Variants in RYR2 observed in about 807,000 individuals in gnomAD.
RYR2 encodes cardiac muscle ryanodine receptor-calcium release channel.
In RYR2, 227 loss-of-function variants were observed where a neutral mutation model predicts 601.1. That is an observed-to-expected ratio of 0.38 (90% confidence interval 0.34 to 0.42). The LOEUF (loss-of-function observed/expected upper bound fraction) is 0.42. Among genes scored for constraint, RYR2 ranks in the 10% least tolerant of loss-of-function variants. The probability of loss-of-function intolerance (pLI) is 1.00; values close to 1 mark genes in which losing one functional copy is unlikely to be tolerated. For missense variants in RYR2, 4,646 were observed against 6,156.5 expected (o/e 0.75, Z 8.21); for synonymous variants, 2,223 against 2,175.1 (o/e 1.02, Z -0.61).
At chr1:237,152,463 C>G (rs1376790387) in intron 1 of RYR2, among the ~76,000 whole-genome samples, 1 of 152,172 alleles carries the variant, frequency 6.6e-6, no homozygotes, top group Non-Finnish European at 1.5e-5. Flanking sequence ...AGTTTACATT[C>G]CCACCAACAG....
intron 1 of RYR2, among the ~76,000 whole-genome samples, chr1:237,148,130 G>A (rs1196882514): frequency 3.3e-5 from 5 of 152,126 alleles, no homozygotes; most frequent in African/African-American, 1.2e-4. Context: ...GATGGACTTC[G>A]GCTGAAGTGT....
intron 71 of RYR2, among the ~76,000 whole-genome samples, chr1:237,713,275 A>G (rs1278062877): frequency 1.3e-5 from 2 of 152,186 alleles, no homozygotes; most frequent in African/African-American, 2.4e-5. Context: ...ACTGATTATA[A>G]CACAGTTTGC....
At chr1:237,740,209 G>C (rs1260937698) in intron 79 of RYR2, among the ~76,000 whole-genome samples, 2 of 152,130 alleles carry the variant, frequency 1.3e-5, no homozygotes, top group African/African-American at 4.8e-5. Context: ...TTTCTCTACA[G>C]TATATTCAAA....
At chr1:237,799,248 C>A (rs1659658787) in intron 97 of RYR2, among the ~76,000 whole-genome samples, 1 of 152,104 alleles carries the variant, frequency 6.6e-6, no homozygotes, top group South Asian at 2.1e-4. Flanking sequence ...CACCGATGGG[C>A]AATCCTTAGG....
intron 97 of RYR2, among the ~76,000 whole-genome samples, chr1:237,800,244 T>C (rs1659802674): frequency 6.6e-6 from 1 of 152,210 alleles, no homozygotes; most frequent in African/African-American, 2.4e-5. Context: ...ATTGCTTTAA[T>C]GTAAAATAAT....
At chr1:237,798,457 T>C (rs970106936) in intron 97 of RYR2, among the ~76,000 whole-genome samples, 2 of 152,188 alleles carry the variant, frequency 1.3e-5, no homozygotes, top group Admixed American at 1.3e-4. Context: ...AAATGATCCT[T>C]AAATCTAAGT....
chr1:237,408,516 C>T (rs1364456703), intron 10 of RYR2, among the ~76,000 whole-genome samples: 1 of 151,562 alleles, frequency 6.6e-6, no homozygotes, highest in Admixed American at 6.6e-5. Flanking sequence ...TCTAGGCTCT[C>T]TATTCTGTTC....
At chr1:237,826,476 T>C (rs1353486866) in intron 101 of RYR2, among the ~76,000 whole-genome samples, 1 of 151,524 alleles carries the variant, frequency 6.6e-6, no homozygotes, top group East Asian at 1.9e-4. Flanking sequence ...GGTAACACAT[T>C]GGGGGGCATC....
intron 25 of RYR2, 84 bp downstream of exon 25, chr1:237,530,594 C>T (rs1668047867): frequency 9.7e-7 from 1 of 1,030,552 alleles, no homozygotes; most frequent in African/African-American, 1.6e-5. Flanking sequence ...ACACAGATGC[C>T]TTGCTTTTAC....
intron 1 of RYR2, among the ~76,000 whole-genome samples, chr1:237,221,675 A>G (rs1683816281): frequency 6.6e-6 from 1 of 152,190 alleles, no homozygotes; most frequent in African/African-American, 2.4e-5. Flanking sequence ...TCAAGTTAGT[A>G]GCTAGGTTCA....
At chr1:237,563,658 A>G (rs1671687626) in intron 27 of RYR2, among the ~76,000 whole-genome samples, 1 of 152,090 alleles carries the variant, frequency 6.6e-6, no homozygotes, top group Non-Finnish European at 1.5e-5. Context: ...AGTACCCCCT[A>G]TTTTCATTCC....
At chr1:237,508,422 G>A (rs1665485872) in intron 23 of RYR2, among the ~76,000 whole-genome samples, 1 of 150,588 alleles carries the variant, frequency 6.6e-6, no homozygotes, top group South Asian at 2.1e-4. Flanking sequence ...AGGAAGAGAT[G>A]ATTAGAGGCC....
At chr1:237,601,981 T>C (rs1676552121) in intron 34 of RYR2, 44 bp from the exon 35 acceptor site, 1 of 1,540,624 alleles carries the variant, frequency 6.5e-7, no homozygotes, top group Non-Finnish European at 8.9e-7. Context: ...TTCCCTTGTC[T>C]TGTTTCATTA....
rs867172098 is a variant in RYR2, at chr1:237,416,767, G to C, written c.774-282G>C. 4.0e-5 allele frequency among the ~76,000 whole-genome samples: 6 copies of C among 151,682 alleles called. No homozygotes were observed. The South Asian group carries it at 1.0e-3, about 26-fold the overall frequency. ...GGGAAGAAACACACACACACACAGAGAGAGAGAGAGAGAGAGAATGAATGA... is the reference window on the plus strand; with the variant it reads ...GGGAAGAAACACACACACACACAGACAGAGAGAGAGAGAGAGAATGAATGA... On this transcript the variant is annotated intron_variant, in intron 10 of 104. Transcript: ENST00000366574.
At chr1:237,250,828 T>A (rs1427817837) in intron 1 of RYR2, among the ~76,000 whole-genome samples, 1 of 152,196 alleles carries the variant, frequency 6.6e-6, no homozygotes, top group Non-Finnish European at 1.5e-5. Flanking sequence ...AAACATGTGA[T>A]CATATCTTCT....
rs2102948748 is a variant in RYR2 at position 237,830,732 on chromosome 1, T to C, written c.14756+102T>C. ...AAGTTTTTGTTTATTGTTTAAAAAA[T>C]AATTGCTGCAGATACTTTAAAAGAA... is the stretch of plus-strand genomic sequence containing the variant. On this transcript the variant is annotated intron_variant, in intron 103 of 104. Coordinates refer to ENST00000366574, the MANE Select transcript of RYR2 (RefSeq NM_001035.3). 1.1e-5 allele frequency: 7 copies of C among 636,466 alleles called. No individual in the cohort carries two copies. In the South Asian group the frequency reaches 1.5e-4, roughly 14 times the overall value. The allele number at this position is 636,466 out of a possible 1,614,324, so 39.4% of individuals were successfully genotyped here. A position where few individuals can be genotyped will look rare whatever the true frequency, so the allele number is the denominator to read the frequency against.
intron 29 of RYR2, among the ~76,000 whole-genome samples, chr1:237,579,044 A>G (rs1673590912): frequency 6.6e-6 from 1 of 152,078 alleles, no homozygotes; most frequent in South Asian, 2.1e-4. Context: ...ACAAAACACA[A>G]CTAAGAAGGC....
At chr1:237,640,323 G>T (rs1238551151) in intron 46 of RYR2, among the ~76,000 whole-genome samples, 1 of 152,192 alleles carries the variant, frequency 6.6e-6, no homozygotes, top group South Asian at 2.1e-4. Context: ...AAGAGAACAT[G>T]TAATTATATT....
intron 3 of RYR2, among the ~76,000 whole-genome samples, chr1:237,342,727 AG>A (rs1346915372): frequency 6.6e-6 from 1 of 152,166 alleles, no homozygotes; most frequent in African/African-American, 2.4e-5. Flanking sequence ...GAACTGTAGA[AG>A]GGTCCTTTGC....
Sources: allele counts gnomAD v4.1 joint callset (sites outside exome capture counted in the v4.1 genomes callset), GRCh38; gene constraint gnomAD v4.1.1; transcripts MANE v1.5; gene names NCBI Gene and HGNC (gene_info 2026-07-23, HGNC 2026-07-21).